Variants in NOTCH2 observed in about 807,000 individuals in gnomAD.
NOTCH2 encodes neurogenic locus notch homolog protein 2.
A neutral mutation model predicts 235.8 loss-of-function variants in NOTCH2; 29 were observed. The ratio of observed to expected loss-of-function variants is 0.12; its 90% CI spans 0.09 to 0.17. The LOEUF is 0.17. NOTCH2 is among the 10% of genes least tolerant of loss of function. NOTCH2 has a pLI of 1.00. For synonymous variants in NOTCH2, 1,086 were observed against 1,141.5 expected (o/e 0.95, Z 0.98); for missense variants, 2,285 against 3,150.2 (o/e 0.73, Z 6.57).
intron 7 of NOTCH2, 141 bp from the exon 8 acceptor site, chr1:119,967,762 T>A: frequency 1.2e-6 from 1 of 815,730 alleles, no homozygotes; most frequent in Non-Finnish European, 2.0e-6. Flanking sequence ...TTTTTTTCCT[T>A]AATTTAAAAA....
rs1649336612 is a variant in NOTCH2, at chr1:119,922,884, C to T, written c.4860-106G>A. On this transcript the variant is annotated intron_variant, in intron 26 of 33. Transcript: ENST00000256646. ...AAGGGTGACAGGAGCCTCCCTTCCT[C>T]CCCTTCAGCATCAGGTCCCCACCTC... 10 of 1,394,942 alleles carry T rather than the reference C, an allele frequency of 7.2e-6. No individual in the cohort carries two copies. In the African/African-American group the frequency reaches 1.4e-4, roughly 20 times the overall value. 86.4% of individuals were successfully genotyped at this position (1,394,942 alleles called of 1,614,324 possible).
intron 1 of NOTCH2, among the ~76,000 whole-genome samples, chr1:120,041,041 CAAAA>C (rs71586698): frequency 1.3e-4 from 2 of 15,662 alleles, no homozygotes; most frequent in African/African-American, 2.9e-4. Flanking sequence ...ACTCTGCCTG[CAAAA>C]AAAAAAAAAA....
chr1:120,041,859 GAAAAGAAAAGAAAA>G (rs1654583381), intron 1 of NOTCH2, among the ~76,000 whole-genome samples: 1 of 78,150 alleles, frequency 1.3e-5, no homozygotes, highest in Non-Finnish European at 2.5e-5. Flanking sequence ...AGAAAAGAAA[GAAAAGAAAAGAAAA>G]AAAAGAAAGA....
chr1:119,921,444 T>A (rs1337616947), intron 29 of NOTCH2, among the ~76,000 whole-genome samples: 1 of 152,254 alleles, frequency 6.6e-6, no homozygotes, highest in Non-Finnish European at 1.5e-5. Context: ...CATTCCTGAC[T>A]TGACTACTGC....
At chr1:120,009,327 C>T (rs1653096380) in intron 2 of NOTCH2, among the ~76,000 whole-genome samples, 1 of 151,232 alleles carries the variant, frequency 6.6e-6, no homozygotes, top group Non-Finnish European at 1.5e-5. Flanking sequence ...ATGTACAGAA[C>T]CATATATTTG....
chr1:119,960,346 T>C (rs587675482), intron 11 of NOTCH2, among the ~76,000 whole-genome samples: 2 of 152,104 alleles, frequency 1.3e-5, no homozygotes, highest in Admixed American at 1.3e-4. Flanking sequence ...AACTTCCTCC[T>C]GAGGTAAGCT....
chr1:119,999,972 AAAGAAAGGAAGG>A (rs1425513104), intron 3 of NOTCH2, among the ~76,000 whole-genome samples: 517 of 61,360 alleles, frequency 8.4e-3, no homozygotes, highest in African/African-American at 0.022. Flanking sequence ...AGAAAGAAAG[AAAGAAAGGAAGG>A]AAGGAAGGAA....
intron 3 of NOTCH2, among the ~76,000 whole-genome samples, chr1:120,003,069 G>A (rs1398251057): frequency 6.6e-6 from 1 of 151,776 alleles, no homozygotes; most frequent in Non-Finnish European, 1.5e-5. Flanking sequence ...ATTAACATTT[G>A]AGTCAGTGGG....
At chr1:119,945,970 G>A (rs1255889603) in intron 17 of NOTCH2, among the ~76,000 whole-genome samples, 1 of 151,914 alleles carries the variant, frequency 6.6e-6, no homozygotes, top group East Asian at 1.9e-4. Context: ...AGAAAGAAGA[G>A]ACAAATTACC....
rs764641032 is a variant in NOTCH2, at chr1:119,923,821, G to C, written c.4675C>G (p.Leu1559Val). The part of the protein sequence containing the change: ...IVVLMPPEQL[L>V]QDARSFLRAL... The stretch of plus-strand genomic sequence containing the variant: ...CGCAAGAAGCTGCGAGCATCCTGGA[G>C]CAGTTGTTCAGGTGGCATCAATACC... Residue 1559 changes from leucine (L) to valine (V), a missense_variant, in exon 26 of 34, where the codon CTC becomes GTC. Leu to Val is a conservative substitution (Grantham distance 32). This residue lies in a region of NOTCH2 where 1,173 missense variants were observed against 1,515.3 expected (regional missense o/e 0.77). Transcript: ENST00000256646. 2.4e-5 allele frequency: 39 copies of C among 1,614,072 alleles called. No individual in the cohort carries two copies. Among genetic ancestry groups the C allele is most frequent in the Non-Finnish European group, 3.3e-5 (39 of 1,180,048 alleles).
intron 33 of NOTCH2, 75 bp from the exon 34 acceptor site, chr1:119,916,769 T>A: frequency 7.1e-7 from 1 of 1,413,074 alleles, no homozygotes; most frequent in Non-Finnish European, 9.9e-7. Flanking sequence ...CAATCTTTTT[T>A]ATTATCACCC....
At chr1:119,984,421 T>C (rs1482165206) in intron 5 of NOTCH2, among the ~76,000 whole-genome samples, 1 of 152,204 alleles carries the variant, frequency 6.6e-6, no homozygotes, top group Non-Finnish European at 1.5e-5. Flanking sequence ...AAAGGATATT[T>C]AAACTCTATC....
At position 119,925,772 on chromosome 1, in the gene NOTCH2, T is replaced by C; in HGVS notation, c.4044A>G (p.Gln1348=). 6.2e-7 allele frequency: 1 copy of C among 1,614,144 alleles called. No homozygotes were observed. Among genetic ancestry groups the C allele is most frequent in the Non-Finnish European group, 8.5e-7 (1 of 1,180,032 alleles). ...SGARCQSSCG[Q]VKCRKGEQCV... ...ACTGCTCCCCCTTCCTACATTTCAC[T>C]TGTCCACAGCTGCTCTGGCACCTTG... Residue 1348 remains glutamine, a synonymous_variant, in exon 25 of 34, where the codon CAA becomes CAG. Transcript: ENST00000256646.
chr1:119,925,726 G>A lies in NOTCH2; in HGVS notation c.4090C>T (p.Pro1364Ser), dbSNP rs201172334. Residue 1364 changes from proline (P) to serine (S), a missense_variant, in exon 25 of 34, where the codon CCC (proline) becomes TCC (serine). Around this residue, in one of 6 missense-constraint regions of NOTCH2, gnomAD observed 1,173 missense variants for 1,515.3 expected, o/e 0.77. Transcript: ENST00000256646. ...CGGGGACTGGGGCAGAAGCAGCGGGGTCCAGAGGCGGTGTGCACACACTGC... is the reference window on the plus strand; with the variant it reads ...CGGGGACTGGGGCAGAAGCAGCGGGATCCAGAGGCGGTGTGCACACACTGC... ...GEQCVHTASG[P>S]RCFCPSPRDC... 1.2e-6 allele frequency: 2 copies of A among 1,613,946 alleles called. No individual in the cohort carries two copies. Among genetic ancestry groups the A allele is most frequent in the East Asian group, 2.2e-5 (1 of 44,882 alleles).
chr1:119,918,581 G>A, intron 31 of NOTCH2, 28 bp from the exon 32 acceptor site: 2 of 1,612,804 alleles, frequency 1.2e-6, no homozygotes, highest in Non-Finnish European at 1.7e-6. Flanking sequence ...ACAGAAAAGA[G>A]AGTCACCTGG....
chr1:119,929,719 G>A (rs1196944480), intron 22 of NOTCH2, among the ~76,000 whole-genome samples: 1 of 152,224 alleles, frequency 6.6e-6, no homozygotes, highest in Non-Finnish European at 1.5e-5. Context: ...GCCTTGTAAT[G>A]TCATAGCACA....
chr1:119,997,692 C>T (rs61786986), intron 3 of NOTCH2, among the ~76,000 whole-genome samples: 59 of 145,770 alleles, frequency 4.0e-4, no homozygotes, highest in Middle Eastern at 3.5e-3. Flanking sequence ...TATCAACTTC[C>T]GGGCCAGGAG....
At chr1:120,040,675 AGAG>A (rs1450498601) in intron 1 of NOTCH2, among the ~76,000 whole-genome samples, 4 of 137,844 alleles carry the variant, frequency 2.9e-5, no homozygotes, top group Admixed American at 7.3e-5. Context: ...ACCTTGGAAC[AGAG>A]GAAAGCAGAT....
chr1:120,063,175 G>T (rs1655375684), intron 1 of NOTCH2, among the ~76,000 whole-genome samples: 2 of 151,824 alleles, frequency 1.3e-5, no homozygotes, highest in Admixed American at 1.3e-4. Context: ...AGATTGTTTT[G>T]TTCTGCTCAA....
Sources: allele counts gnomAD v4.1 joint callset (sites outside exome capture counted in the v4.1 genomes callset), GRCh38; gene constraint gnomAD v4.1.1; regional missense constraint gnomAD v4.1.1; transcripts MANE v1.5; gene names NCBI Gene and HGNC (gene_info 2026-07-23, HGNC 2026-07-21).